PPP1R12B: variants seen among roughly 807,000 people sequenced by gnomAD.
PPP1R12B encodes the protein protein phosphatase 1 regulatory subunit 12B.
In PPP1R12B, 76 loss-of-function variants were observed where a neutral mutation model predicts 126.1. That is an observed-to-expected ratio of 0.60 (90% CI 0.50 to 0.73). The LOEUF is 0.73. Ranked by LOEUF, PPP1R12B falls within the 30% of genes least tolerant of loss-of-function variation. The probability of loss-of-function intolerance (pLI) is 0.00; values close to 1 mark genes in which losing one functional copy is unlikely to be tolerated. For synonymous variants in PPP1R12B, 356 were observed against 434.7 expected, an observed-to-expected ratio of 0.82 and a Z score of 2.25; for missense variants, 1,052 against 1,205.1, an observed-to-expected ratio of 0.87 and a Z score of 1.88.
At chr1:202,579,128 A>T (rs1176895300) in intron 23 of PPP1R12B, among the ~76,000 whole-genome samples, 5 of 152,170 alleles carry the variant, frequency 3.3e-5, no homozygotes, top group Admixed American at 3.3e-4. Context: ...TTTTCTTTTT[A>T]TTTCCCTGAT....
chr1:202,505,237 A>G (rs1014690992), intron 18 of PPP1R12B, among the ~76,000 whole-genome samples: 2 of 152,230 alleles, frequency 1.3e-5, no homozygotes, highest in African/African-American at 2.4e-5. Context: ...CATCTGATCA[A>G]GTCAAGTCCC....
intron 13 of PPP1R12B, among the ~76,000 whole-genome samples, chr1:202,452,411 G>A (rs190155471): frequency 2.6e-5 from 4 of 152,248 alleles, no homozygotes; most frequent in Non-Finnish European, 5.9e-5. Context: ...CCAGTCAGGC[G>A]TGGCGGCGTG....
At chr1:202,570,543 AAAT>A (rs1273638017) in intron 23 of PPP1R12B, among the ~76,000 whole-genome samples, 4 of 152,228 alleles carry the variant, frequency 2.6e-5, no homozygotes, top group South Asian at 2.1e-4. Flanking sequence ...CAAGAAATAG[AAAT>A]AATAAATAAT....
intron 1 of PPP1R12B, among the ~76,000 whole-genome samples, chr1:202,395,091 T>C (rs898609550): frequency 8.8e-6 from 1 of 113,634 alleles, no homozygotes; most frequent in Non-Finnish European, 1.7e-5. Context: ...CGCTCCAGCC[T>C]GGGCAACAAA....
chr1:202,350,924 T>G (rs1323756319), intron 1 of PPP1R12B, among the ~76,000 whole-genome samples: 1 of 151,922 alleles, frequency 6.6e-6, no homozygotes, highest in Non-Finnish European at 1.5e-5. Flanking sequence ...CCTGGCCTAG[T>G]AATCTATTGA....
intron 1 of PPP1R12B, among the ~76,000 whole-genome samples, chr1:202,352,534 G>A (rs556193639): frequency 1.3e-5 from 2 of 152,214 alleles, no homozygotes; most frequent in African/African-American, 2.4e-5. Context: ...AGCACGGTCT[G>A]ATCAGTCTTC....
intron 21 of PPP1R12B, 74 bp from the exon 22 acceptor site, chr1:202,567,703 AG>A: frequency 6.8e-7 from 1 of 1,474,082 alleles, no homozygotes; most frequent in African/African-American, 1.4e-5. Flanking sequence ...CTAGTAGTGA[AG>A]CTGAACTAGA....
intron 1 of PPP1R12B, among the ~76,000 whole-genome samples, chr1:202,388,551 A>C (rs1319779181): frequency 1.3e-5 from 2 of 152,164 alleles, no homozygotes; most frequent in African/African-American, 4.8e-5. Flanking sequence ...TATAAAGAAC[A>C]TGAAAGAAGG....
chr1:202,540,131 T>C (rs542344971), intron 18 of PPP1R12B: 3 of 1,602,742 alleles, frequency 1.9e-6, no homozygotes, highest in South Asian at 2.2e-5. Context: ...ATCTGCATCC[T>C]GAGGAACCAT....
intron 9 of PPP1R12B, among the ~76,000 whole-genome samples, chr1:202,436,130 C>G (rs1024944472): frequency 6.6e-6 from 1 of 151,946 alleles, no homozygotes; most frequent in Non-Finnish European, 1.5e-5. Flanking sequence ...CATGGTGGCA[C>G]ACACCTGTAG....
At chr1:202,541,819 C>T (rs1183893026) in intron 18 of PPP1R12B, among the ~76,000 whole-genome samples, 1 of 152,172 alleles carries the variant, frequency 6.6e-6, no homozygotes, top group African/African-American at 2.4e-5. Context: ...TCCAACCTCC[C>T]TACCCTCGTT....
At chr1:202,358,895 G>A (rs1657625980) in intron 1 of PPP1R12B, among the ~76,000 whole-genome samples, 1 of 152,088 alleles carries the variant, frequency 6.6e-6, no homozygotes, top group Non-Finnish European at 1.5e-5. Flanking sequence ...ATTTTATGGT[G>A]CCATGCTCTA....
At chr1:202,449,687 TA>T (rs1231897633) in intron 13 of PPP1R12B, among the ~76,000 whole-genome samples, 1 of 151,666 alleles carries the variant, frequency 6.6e-6, no homozygotes, top group African/African-American at 2.4e-5. Context: ...GTTATGGATT[TA>T]TTTTTTTTAT....
chr1:202,484,291 C>A (rs1472654852), intron 13 of PPP1R12B, among the ~76,000 whole-genome samples: 1 of 152,014 alleles, frequency 6.6e-6, no homozygotes, highest in African/African-American at 2.4e-5. Context: ...TAATTTCTTT[C>A]TTTCTTTGTG....
rs34421611 is a variant in PPP1R12B at position 202,427,971 on chromosome 1, A to AT, written c.846+802dup. Among the ~76,000 whole-genome samples, 929 of 144,264 alleles carry AT rather than the reference A, an allele frequency of 6.4e-3. 9 individuals carry two copies. Among genetic ancestry groups the AT allele is most frequent in the African/African-American group, 0.02 (796 of 38,884 alleles). 94.6% of individuals were successfully genotyped at this position (144,264 alleles called of 152,430 possible). On this transcript the variant is annotated intron_variant, in intron 5 of 23. Coordinates refer to ENST00000608999, the MANE Select transcript of PPP1R12B (RefSeq NM_002481.4). ...AGCTGATTTTATTTTAATTAAACTA[A>AT]TTTTTTTTTTTTTTTAATGGTAGAG...
intron 18 of PPP1R12B, among the ~76,000 whole-genome samples, chr1:202,531,376 C>T (rs1683930982): frequency 6.6e-6 from 1 of 151,930 alleles, no homozygotes. Flanking sequence ...AAGAGTAGGG[C>T]TTGATATTTT....
intron 18 of PPP1R12B, among the ~76,000 whole-genome samples, chr1:202,532,869 T>A (rs2148943018): frequency 7.0e-6 from 1 of 142,418 alleles, no homozygotes; most frequent in Admixed American, 7.0e-5. Context: ...ACTTTTTTTT[T>A]TTTTTTTTTT....
At chr1:202,542,292 G>A (rs553647284) in intron 18 of PPP1R12B, among the ~76,000 whole-genome samples, 7 of 152,262 alleles carry the variant, frequency 4.6e-5, no homozygotes, top group Non-Finnish European at 1.0e-4. Flanking sequence ...ATGCCTGGTT[G>A]TAACTGGCTG....
intron 1 of PPP1R12B, among the ~76,000 whole-genome samples, chr1:202,404,955 A>G (rs2148576280): frequency 6.6e-6 from 1 of 152,334 alleles, no homozygotes; most frequent in Non-Finnish European, 1.5e-5. Flanking sequence ...TTCCACCACT[A>G]AATGATAAAG....
Sources: allele counts gnomAD v4.1 joint callset (sites outside exome capture counted in the v4.1 genomes callset), GRCh38; gene constraint gnomAD v4.1.1; transcripts MANE v1.5; gene names NCBI Gene and HGNC (gene_info 2026-07-23, HGNC 2026-07-21).